LRR1: variants seen among roughly 807,000 people sequenced by gnomAD.
The protein encoded by LRR1 is leucine rich repeat protein 1, also known as leucine-rich repeat protein 1.
A neutral mutation model predicts 31.6 loss-of-function variants in LRR1; 29 were observed. That is an observed-to-expected ratio of 0.92 (90% CI 0.68 to 1.25). The LOEUF (loss-of-function observed/expected upper bound fraction) is 1.25. Ranked by LOEUF, LRR1 falls within the 50% of genes most tolerant of loss-of-function variation. The probability of loss-of-function intolerance (pLI) is 0.00; values close to 1 mark genes in which losing one functional copy is unlikely to be tolerated. For synonymous variants in LRR1, 179 were observed against 181.4 expected (o/e 0.99, Z 0.10); for missense variants, 485 against 487.2 (o/e 1.00, Z 0.04).
At chr14:49,603,748 C>T (rs1228366610) in intron 2 of LRR1, 1 of 934,946 alleles carries the variant, frequency 1.1e-6, no homozygotes, top group Non-Finnish European at 1.2e-6. Context: ...GGCTGGATTA[C>T]AGTGGCGTGA....
In LRR1 at chr14:49,607,875, A is replaced by G. The variant is rs1566495502; in HGVS notation, c.758A>G (p.Asn253Ser). The G allele has an allele frequency of 6.2e-7, 1 of 1,613,322 alleles. No individual in the cohort carries two copies. The highest frequency in any genetic ancestry group is 8.5e-7 in the Non-Finnish European group (1 of 1,179,516). The change falls in exon 3 of 4, where the codon AAT (asparagine) becomes AGT (serine). Residue 253 changes from asparagine to serine, a missense_variant. By Grantham distance (46) the Asn-to-Ser change is conservative. Coordinates refer to ENST00000298288, the MANE Select transcript of LRR1 (RefSeq NM_152329.4). ...TTTTGCCAGCTCCAGGAACTTAAGA[A>G]TTTAAAACTTGACGATAATGAATTG... ...VQFCQLQELK[N>S]LKLDDNELIQ...
At chr14:49,604,390 C>CA (rs1882207718) in intron 2 of LRR1, among the ~76,000 whole-genome samples, 1 of 151,990 alleles carries the variant, frequency 6.6e-6, no homozygotes. Context: ...GCAGGAGGAT[C>CA]ACTTAATCCC....
At chr14:49,605,107 C>G (rs985110466) in intron 2 of LRR1, among the ~76,000 whole-genome samples, 1 of 152,134 alleles carries the variant, frequency 6.6e-6, no homozygotes, top group African/African-American at 2.4e-5. Flanking sequence ...GTTGCACAGG[C>G]TGGTCTCAAA....
chr14:49,601,617 C>T (rs1882054978), intron 1 of LRR1: 1 of 1,289,446 alleles, frequency 7.8e-7, no homozygotes, highest in Non-Finnish European at 1.0e-6. Context: ...GGGAGGTGTG[C>T]CCACCCCAGG....
At position 49,608,118 on chromosome 14, in the gene LRR1, A is replaced by C; in HGVS notation, c.1001A>C (p.Asn334Thr). Reference sequence around the variant, plus strand: ...TCTTCTGCACGAACCATATTACATAATAGGTAAGATTTTAATAGTCATGTA... The same window carrying C: ...TCTTCTGCACGAACCATATTACATACTAGGTAAGATTTTAATAGTCATGTA... The part of the protein sequence containing the change: ...LESSARTILH[N>T]RIPYGSHIIP... Residue 334 changes from asparagine to threonine, a missense_variant, in exon 3 of 4, where the codon AAT (asparagine) becomes ACT (threonine). By Grantham distance (65) the Asn-to-Thr change is moderately conservative. Coordinates refer to ENST00000298288, the MANE Select transcript of LRR1 (RefSeq NM_152329.4). The C allele has an allele frequency of 6.4e-7, 1 of 1,553,180 alleles. No individual in the cohort carries two copies. Among genetic ancestry groups the C allele is most frequent in the Non-Finnish European group, 8.6e-7 (1 of 1,156,306 alleles).
Position 49,608,783 on chromosome 14 carries a change from T to C in LRR1, c.1004+662T>C, listed in dbSNP as rs1882393717. ...GGTCCAGCTGTGTCTTAGTGAGTCT[T>C]CCAAGTGATTTTGATGTACTCTAAA... is the stretch of plus-strand genomic sequence containing the variant. On this transcript the variant is annotated intron_variant, in intron 3 of 3. Transcript: ENST00000298288. Among the ~76,000 whole-genome samples the C allele has an allele frequency of 2.0e-5, 3 of 152,032 alleles. 1 individual carries two copies. Among genetic ancestry groups the C allele is most frequent in the Admixed American group, 2.0e-4 (3 of 15,252 alleles).
intron 1 of LRR1, among the ~76,000 whole-genome samples, chr14:49,599,724 CGCGGGCGCCGAGTG>C (rs1055067967): frequency 1.3e-5 from 2 of 149,746 alleles, no homozygotes; most frequent in African/African-American, 4.9e-5. Context: ...GGGGAGAGGG[CGCGGGCGCCGAGTG>C]GCGGGGGCAG....
intron 1 of LRR1, among the ~76,000 whole-genome samples, chr14:49,599,744 G>T (rs1311384836): frequency 6.7e-6 from 1 of 148,908 alleles, no homozygotes; most frequent in Non-Finnish European, 1.5e-5. Flanking sequence ...GAGTGGCGGG[G>T]GCAGCGGGCG....
At chr14:49,604,366 C>G (rs1882206973) in intron 2 of LRR1, among the ~76,000 whole-genome samples, 1 of 151,892 alleles carries the variant, frequency 6.6e-6, no homozygotes, top group Non-Finnish European at 1.5e-5. Context: ...GTGGCTCACA[C>G]CTGGGAGGCC....
rs28567068 is a variant in LRR1 at position 49,606,667 on chromosome 14, T to A, written c.283-733T>A. Among the ~76,000 whole-genome samples, 13 of 113,520 alleles carry A rather than the reference T, an allele frequency of 1.1e-4. 1 individual carries two copies. Among genetic ancestry groups the A allele is most frequent in the East Asian group, 6.2e-4 (3 of 4,814 alleles). The allele number at this position is 113,520 out of a possible 152,430, so 74.5% of individuals were successfully genotyped here. Reference sequence around the variant, plus strand: ...AACTCAAATTTTTTTTTTTTTTTTTTAATTTTTCAGATAGAGTCTTGCTCT... The same window carrying A: ...AACTCAAATTTTTTTTTTTTTTTTTAAATTTTTCAGATAGAGTCTTGCTCT... On this transcript the variant is annotated intron_variant, in intron 2 of 3. Coordinates refer to ENST00000298288, the MANE Select transcript of LRR1 (RefSeq NM_152329.4).
chr14:49,608,546 A>T (rs1298500946), intron 3 of LRR1, among the ~76,000 whole-genome samples: 3 of 149,338 alleles, frequency 2.0e-5, no homozygotes, highest in Admixed American at 6.7e-5. Flanking sequence ...CAGCACATGG[A>T]TGTTGTTTTA....
At chr14:49,613,604 C>T (rs1004152602) in intron 3 of LRR1, among the ~76,000 whole-genome samples, 14 of 151,614 alleles carry the variant, frequency 9.2e-5, no homozygotes, top group African/African-American at 3.1e-4. Context: ...GTCAGGAGTT[C>T]GAGACCAGCC....
intron 3 of LRR1, among the ~76,000 whole-genome samples, chr14:49,611,084 C>G (rs1332135356): frequency 6.6e-6 from 1 of 152,158 alleles, no homozygotes; most frequent in Non-Finnish European, 1.5e-5. Context: ...GAAACCCAGT[C>G]CAGTCCTCTC....
chr14:49,613,448 T>C (rs1371727560), intron 3 of LRR1, among the ~76,000 whole-genome samples: 1 of 149,160 alleles, frequency 6.7e-6, no homozygotes, highest in African/African-American at 2.5e-5. Flanking sequence ...GAGGTTGCAA[T>C]GAGCTGAGAT....
In LRR1 at chr14:49,607,742, GA is replaced by G. The variant is rs2139545334; in HGVS notation, c.626del (p.Asp209AlafsTer9). The G allele has an allele frequency of 6.2e-7, 1 of 1,612,706 alleles. No individual in the cohort carries two copies. The highest frequency in any genetic ancestry group is 2.2e-5 in the East Asian group (1 of 44,864). ...LIHLQELNLN[D>X]NHLESFSVAL... ...ACACCTTCAAGAACTTAACCTGAAT[GA>G]CAATCACTTGGAGTCATTTAGTGTA... On this transcript the variant is annotated frameshift_variant, in exon 3 of 4. Coordinates refer to ENST00000298288, the MANE Select transcript of LRR1 (RefSeq NM_152329.4). LOFTEE classifies it high-confidence loss of function.
chr14:49,603,781 C>T (rs1336789524), intron 2 of LRR1, among the ~76,000 whole-genome samples: 1 of 149,062 alleles, frequency 6.7e-6, no homozygotes, highest in South Asian at 2.1e-4. Context: ...GCAACCTCCA[C>T]CTCCCGGGTT....
intron 1 of LRR1, 134 bp downstream of exon 1, chr14:49,599,337 T>C: frequency 9.9e-7 from 1 of 1,011,480 alleles, no homozygotes; most frequent in Admixed American, 2.8e-5. Context: ...CTCCCAGCCT[T>C]GAGACCTACC....
At chr14:49,599,844 G>T in intron 1 of LRR1, 1 of 329,076 alleles carries the variant, frequency 3.0e-6, no homozygotes, top group South Asian at 1.2e-4. Flanking sequence ...CCTCCGGCGA[G>T]GGGAGTCGCT....
At position 49,602,474 on chromosome 14, in the gene LRR1, G is replaced by A. The variant is rs745775823; in HGVS notation, c.282+6G>A. On this transcript the variant is annotated splice_donor_region_variant and intron_variant, in intron 2 of 3. Transcript: ENST00000298288. Reference sequence around the variant, plus strand: ...TGGATATCTGTCTAAGTAAGGTATGGTATTAAAAACATTAATGATTAATAT... The same window carrying A: ...TGGATATCTGTCTAAGTAAGGTATGATATTAAAAACATTAATGATTAATAT... 6 of 1,603,192 alleles carry A rather than the reference G, an allele frequency of 3.7e-6. No individual in the cohort carries two copies. The African/African-American group carries it at 8.0e-5, about 21-fold the overall frequency.
Sources: allele counts gnomAD v4.1 joint callset (sites outside exome capture counted in the v4.1 genomes callset), GRCh38; gene constraint gnomAD v4.1.1; transcripts MANE v1.5; gene names NCBI Gene and HGNC (gene_info 2026-07-23, HGNC 2026-07-21).